PPP1R17: variants seen among roughly 807,000 people sequenced by gnomAD.
PPP1R17 encodes G-substrate.
Under a neutral mutation model 15.9 loss-of-function variants are expected in PPP1R17, and 12 were observed. That is an observed-to-expected ratio of 0.75 (90% CI 0.48 to 1.22). The LOEUF is 1.22. PPP1R17 is among the 50% of genes most tolerant of loss of function. The pLI, the probability that PPP1R17 is intolerant of heterozygous loss-of-function variation, is 0.00. For missense variants in PPP1R17, 211 were observed against 187.3 expected (o/e 1.13, Z -0.74); for synonymous variants, 63 against 64.5 (o/e 0.98, Z 0.11).
At chr7:31,695,712 G>A (rs1054222590) in intron 3 of PPP1R17, 91 bp downstream of exon 3, 2 of 1,345,392 alleles carry the variant, frequency 1.5e-6, no homozygotes, top group Non-Finnish European at 2.0e-6. Flanking sequence ...AAATATTCAG[G>A]TATTTTAAAG....
chr7:31,697,460 G>T (rs923554376), intron 4 of PPP1R17, among the ~76,000 whole-genome samples: 1 of 152,164 alleles, frequency 6.6e-6, no homozygotes, highest in Non-Finnish European at 1.5e-5. Flanking sequence ...TCTTATGGCT[G>T]GTTCTCCTGA....
At chr7:31,696,325 C>T (rs1207447515) in intron 3 of PPP1R17, among the ~76,000 whole-genome samples, 1 of 150,594 alleles carries the variant, frequency 6.6e-6, no homozygotes, top group Non-Finnish European at 1.5e-5. Flanking sequence ...AATGATCTTT[C>T]AGTTTTCTAA....
At chr7:31,702,842 T>C (rs185314027) in intron 4 of PPP1R17, among the ~76,000 whole-genome samples, 1 of 152,344 alleles carries the variant, frequency 6.6e-6, no homozygotes, top group Admixed American at 6.5e-5. Flanking sequence ...CAATACCTGA[T>C]GGAGACTGAT....
intron 4 of PPP1R17, among the ~76,000 whole-genome samples, chr7:31,697,577 A>C (rs772348720): frequency 6.6e-6 from 1 of 152,186 alleles, no homozygotes; most frequent in Non-Finnish European, 1.5e-5. Context: ...AAAAAATCAT[A>C]CTGAACTATG....
chr7:31,690,455 A>T (rs1480325550), intron 1 of PPP1R17, among the ~76,000 whole-genome samples: 1 of 152,238 alleles, frequency 6.6e-6, no homozygotes, highest in Non-Finnish European at 1.5e-5. Flanking sequence ...CAAAGATGTT[A>T]GCCTTTGCAA....
intron 2 of PPP1R17, among the ~76,000 whole-genome samples, chr7:31,694,162 G>T (rs191182126): frequency 6.6e-6 from 1 of 152,242 alleles, no homozygotes; most frequent in African/African-American, 2.4e-5. Flanking sequence ...TTTTAAATAT[G>T]TTACTTAAAC....
At chr7:31,694,983 G>T (rs1487908886) in intron 2 of PPP1R17, among the ~76,000 whole-genome samples, 1 of 152,164 alleles carries the variant, frequency 6.6e-6, no homozygotes, top group Non-Finnish European at 1.5e-5. Context: ...TCACCAGGAG[G>T]ATGAGACTGG....
intron 4 of PPP1R17, 152 bp from the exon 5 acceptor site, chr7:31,707,052 C>A: frequency 1.7e-6 from 1 of 600,034 alleles, no homozygotes. Context: ...AGCCACCCAG[C>A]TCCTTCTCTG....
Position 31,708,157 on chromosome 7 carries a change from G to C in PPP1R17, c.*874G>C, listed in dbSNP as rs563448317. The stretch of plus-strand genomic sequence containing the variant: ...CTATTACACTTTCTTGGATGAGAGG[G>C]GAGAGTGTGGTGTTAGCTAGTGAGC... On this transcript the variant is annotated 3_prime_UTR_variant, in exon 5 of 5. Transcript: ENST00000342032. The C allele has an allele frequency of 2.6e-5, 4 of 152,164 alleles. No individual in the cohort carries two copies. Among genetic ancestry groups the C allele is most frequent in the Non-Finnish European group, 5.9e-5 (4 of 68,036 alleles). The allele number at this position is 152,164 out of a possible 1,614,324, so 9.4% of individuals were successfully genotyped here. A position where few individuals can be genotyped will look rare whatever the true frequency, so the allele number is the denominator to read the frequency against.
At chr7:31,690,314 G>A (rs1792286827) in intron 1 of PPP1R17, among the ~76,000 whole-genome samples, 1 of 152,188 alleles carries the variant, frequency 6.6e-6, no homozygotes, top group Non-Finnish European at 1.5e-5. Flanking sequence ...ATGCAGCTAT[G>A]CTATTTCATC....
chr7:31,696,107 G>A (rs1307499536), intron 3 of PPP1R17: 2 of 152,492 alleles, frequency 1.3e-5, no homozygotes, highest in Non-Finnish European at 2.9e-5. Flanking sequence ...CCAGCTCAAT[G>A]CCCAAGAGAA....
At chr7:31,697,925 A>G (rs918458762) in intron 4 of PPP1R17, among the ~76,000 whole-genome samples, 1 of 152,202 alleles carries the variant, frequency 6.6e-6, no homozygotes, top group African/African-American at 2.4e-5. Context: ...TCTTATGTGG[A>G]TACAATTGAT....
intron 2 of PPP1R17, among the ~76,000 whole-genome samples, chr7:31,692,792 T>A (rs1792414226): frequency 1.3e-5 from 2 of 152,128 alleles, no homozygotes; most frequent in African/African-American, 4.8e-5. Flanking sequence ...TTTTTCTGGG[T>A]CTGACAGAGT....
intron 1 of PPP1R17, among the ~76,000 whole-genome samples, chr7:31,689,707 C>T (rs562344174): frequency 6.6e-6 from 1 of 152,242 alleles, no homozygotes; most frequent in East Asian, 1.9e-4. Flanking sequence ...CAACACTAAA[C>T]TCCAAATGTC....
intron 4 of PPP1R17, among the ~76,000 whole-genome samples, chr7:31,698,550 C>T (rs1355078200): frequency 3.3e-5 from 5 of 152,218 alleles, no homozygotes; most frequent in Admixed American, 1.3e-4. Flanking sequence ...AGATCATGCA[C>T]ATGTGCTAAA....
chr7:31,702,203 A>ATTTTT (rs1464104354), intron 4 of PPP1R17, among the ~76,000 whole-genome samples: 7 of 125,280 alleles, frequency 5.6e-5, no homozygotes, highest in African/African-American at 2.0e-4. Flanking sequence ...TTTCACCCTT[A>ATTTTT]TTTATTTTTT....
chr7:31,704,899 A>C (rs2128248354), intron 4 of PPP1R17, among the ~76,000 whole-genome samples: 1 of 152,184 alleles, frequency 6.6e-6, no homozygotes, highest in East Asian at 1.9e-4. Context: ...TGCTTCCCAA[A>C]CCCAGGCCAT....
chr7:31,694,449 A>T lies in PPP1R17; in HGVS notation c.83-1020A>T, dbSNP rs907615729. Among the ~76,000 whole-genome samples, 21 of 150,644 alleles carry T rather than the reference A, an allele frequency of 1.4e-4. No homozygotes were observed. In the South Asian group the frequency reaches 2.7e-3, roughly 20 times the overall value. On this transcript the variant is annotated intron_variant, in intron 2 of 4. Coordinates refer to ENST00000342032, the MANE Select transcript of PPP1R17 (RefSeq NM_006658.5). ...TATTAATATTATCTCCACTCTAAAG[A>T]TTGAGAGAATATTAGTTTCTAGAAA...
chr7:31,692,791 G>A (rs1391944370), intron 2 of PPP1R17, among the ~76,000 whole-genome samples: 1 of 152,210 alleles, frequency 6.6e-6, no homozygotes, highest in South Asian at 2.1e-4. Context: ...CTTTTTCTGG[G>A]TCTGACAGAG....
Sources: gnomAD v4.1 joint callset for allele counts (sites outside exome capture counted in the v4.1 genomes callset) on GRCh38, gnomAD v4.1.1 for gene constraint, MANE v1.5 for transcripts, NCBI Gene and HGNC (gene_info 2026-07-23, HGNC 2026-07-21) for gene names.